RPS6KA5: variants seen among roughly 807,000 people sequenced by gnomAD.
RPS6KA5 encodes the protein ribosomal protein S6 kinase A5.
Under a neutral mutation model 85.5 loss-of-function variants are expected in RPS6KA5, and 27 were observed. The observed-to-expected ratio is 0.32, with a 90% CI of 0.23 to 0.44. RPS6KA5 has a LOEUF of 0.44. Ranked by LOEUF, RPS6KA5 falls within the 20% of genes least tolerant of loss-of-function variation. The pLI, the probability that RPS6KA5 is intolerant of heterozygous loss-of-function variation, is 1.00. For synonymous variants in RPS6KA5, 334 were observed against 348.2 expected (o/e 0.96, Z 0.46); for missense variants, 811 against 980.9 (o/e 0.83, Z 2.31).
At chr14:90,987,355 T>G (rs2040098978) in intron 2 of RPS6KA5, among the ~76,000 whole-genome samples, 1 of 148,892 alleles carries the variant, frequency 6.7e-6, no homozygotes, top group Admixed American at 6.7e-5. Context: ...TATTTTTCCC[T>G]CTATCATGTC....
intron 5 of RPS6KA5, among the ~76,000 whole-genome samples, chr14:90,928,957 A>G (rs1021118249): frequency 6.6e-6 from 1 of 152,094 alleles, no homozygotes; most frequent in African/African-American, 2.4e-5. Flanking sequence ...ATTAGCAAAT[A>G]AAATCCAGCA....
At chr14:91,052,982 A>C (rs1248609421) in intron 1 of RPS6KA5, among the ~76,000 whole-genome samples, 3 of 152,194 alleles carry the variant, frequency 2.0e-5, no homozygotes, top group African/African-American at 7.2e-5. Context: ...AATACAAGCA[A>C]ACTGAATCCA....
intron 2 of RPS6KA5, among the ~76,000 whole-genome samples, chr14:90,993,147 G>A (rs1169432644): frequency 6.6e-6 from 1 of 152,122 alleles, no homozygotes; most frequent in East Asian, 1.9e-4. Context: ...GCTTTTGTAT[G>A]TTTGAAAATG....
At chr14:91,045,710 T>C (rs1276782160) in intron 1 of RPS6KA5, among the ~76,000 whole-genome samples, 1 of 152,146 alleles carries the variant, frequency 6.6e-6, no homozygotes, top group East Asian at 1.9e-4. Context: ...CTATACCCAC[T>C]CTCCTCACAG....
intron 2 of RPS6KA5, 69 bp downstream of exon 2, chr14:91,001,019 A>G: frequency 1.2e-6 from 1 of 855,016 alleles, no homozygotes. Flanking sequence ...TATTGGGGAT[A>G]TCAATCCTTC....
At chr14:90,899,539 A>G (rs2035041296) in intron 11 of RPS6KA5, 117 bp from the exon 12 acceptor site, 2 of 672,850 alleles carry the variant, frequency 3.0e-6, no homozygotes, top group Non-Finnish European at 5.2e-6. Flanking sequence ...ATGTTACAGT[A>G]TACTGTAATG....
intron 3 of RPS6KA5, among the ~76,000 whole-genome samples, chr14:90,961,418 T>C (rs540808280): frequency 6.6e-6 from 1 of 152,270 alleles, no homozygotes; most frequent in Non-Finnish European, 1.5e-5. Flanking sequence ...CTTTCCAACT[T>C]GGCTTTCCCG....
intron 14 of RPS6KA5, among the ~76,000 whole-genome samples, chr14:90,886,922 A>C (rs2034266121): frequency 6.6e-6 from 1 of 152,248 alleles, no homozygotes; most frequent in Admixed American, 6.5e-5. Context: ...CAATGAGGAC[A>C]ATATAACTTG....
chr14:91,059,486 A>G (rs1299104359), intron 1 of RPS6KA5, among the ~76,000 whole-genome samples: 56 of 152,208 alleles, frequency 3.7e-4, no homozygotes. Flanking sequence ...ACAATACGAG[A>G]CTGGGCTCCA....
intron 1 of RPS6KA5, among the ~76,000 whole-genome samples, chr14:91,027,747 C>G (rs1325348394): frequency 1.3e-5 from 2 of 152,116 alleles, no homozygotes; most frequent in Non-Finnish European, 2.9e-5. Context: ...AGAGTACTGC[C>G]AGTTGATGAA....
intron 16 of RPS6KA5, 87 bp downstream of exon 16, chr14:90,873,541 CAAAG>C (rs976805194): frequency 3.8e-5 from 45 of 1,193,928 alleles, no homozygotes; most frequent in Non-Finnish European, 4.5e-5. Context: ...AAATGTGAAA[CAAAG>C]AAAACGTATC....
rs1265192768 is a variant in RPS6KA5, at chr14:90,848,359, G to A, written c.*23715C>T. ...TTAGCCCTCCTAAACAATTCCAGAA[G>A]AGGGAAGTTCATTATGAATTAATAC... On this transcript the variant is annotated 3_prime_UTR_variant, in exon 17 of 17. Transcript: ENST00000614987. 6.6e-6 allele frequency: 1 copy of A among 152,166 alleles called. No individual in the cohort carries two copies. Among genetic ancestry groups the A allele is most frequent in the Non-Finnish European group, 1.5e-5 (1 of 68,040 alleles). The allele number at this position is 152,166 out of a possible 1,614,324, so 9.4% of individuals were successfully genotyped here. A position where few individuals can be genotyped will look rare whatever the true frequency, so the allele number is the denominator to read the frequency against.
chr14:90,873,081 TTC>T (rs34549622), intron 16 of RPS6KA5, among the ~76,000 whole-genome samples: 33,483 of 152,122 alleles, frequency 0.22, 3,813 homozygotes, highest in Middle Eastern at 0.26. Context: ...GAAGGTGACT[TTC>T]TGTTTCCCTA....
At position 91,060,542 on chromosome 14, in the gene RPS6KA5, C is replaced by A. The variant is rs967390993; in HGVS notation, c.-108G>T. On this transcript the variant is annotated 5_prime_UTR_variant, in exon 1 of 17. Transcript: ENST00000614987. The stretch of plus-strand genomic sequence containing the variant: ...CGCGGCCCCAGGAGTCGGGGTGCGG[C>A]GGCTCCAGAACTCGGACGCAAAGAC... The A allele has an allele frequency of 2.6e-5, 31 of 1,215,008 alleles. No homozygotes were observed. Among genetic ancestry groups the A allele is most frequent in the Admixed American group, 8.7e-5 (2 of 23,028 alleles). 75.3% of individuals were successfully genotyped at this position (1,215,008 alleles called of 1,614,324 possible).
chr14:90,978,584 TAG>T (rs758417337), intron 2 of RPS6KA5, 60 bp from the exon 3 acceptor site: 1 of 1,278,850 alleles, frequency 7.8e-7, no homozygotes, highest in Non-Finnish European at 1.1e-6. Context: ...AATGGTAATT[TAG>T]TGCAACTAAA....
At position 91,040,392 on chromosome 14, in the gene RPS6KA5, G is replaced by A. The variant is rs1444937767; in HGVS notation, c.103+19940C>T. Among the ~76,000 whole-genome samples the A allele has an allele frequency of 1.3e-5, 2 of 152,118 alleles. 1 individual carries two copies. Among genetic ancestry groups the A allele is most frequent in the Non-Finnish European group, 2.9e-5 (2 of 68,014 alleles). Reference sequence around the variant, plus strand: ...CACTGCACTCCAGCCTGGGCAACAAGAGCGAAAGTCCGCCTCTTAAATTAA... The same window carrying A: ...CACTGCACTCCAGCCTGGGCAACAAAAGCGAAAGTCCGCCTCTTAAATTAA... On this transcript the variant is annotated intron_variant, in intron 1 of 16. Transcript: ENST00000614987.
rs377593819 is a variant in RPS6KA5 at position 91,047,812 on chromosome 14, T to C, written c.103+12520A>G. ...TATTCTAGGTGAAAATCTGTTCCCC[T>C]GCTTCTAGAGGCTGTCTGCATTCCT... On this transcript the variant is annotated intron_variant, in intron 1 of 16. Coordinates refer to ENST00000614987, the MANE Select transcript of RPS6KA5 (RefSeq NM_004755.4). Among the ~76,000 whole-genome samples the C allele has an allele frequency of 1.2e-4, 18 of 152,360 alleles. No homozygotes were observed. In the South Asian group the frequency reaches 3.7e-3, roughly 32 times the overall value.
intron 5 of RPS6KA5, among the ~76,000 whole-genome samples, chr14:90,926,157 C>A (rs1010810570): frequency 3.3e-5 from 5 of 151,950 alleles, no homozygotes; most frequent in Non-Finnish European, 7.4e-5. Context: ...GTAATCCCAG[C>A]ACTCTGGGAG....
At chr14:91,010,199 T>A (rs566116299) in intron 1 of RPS6KA5, among the ~76,000 whole-genome samples, 1 of 152,176 alleles carries the variant, frequency 6.6e-6, no homozygotes, top group African/African-American at 2.4e-5. Flanking sequence ...GGAGGAGATA[T>A]TATTTTTAAA....
Sources: allele counts gnomAD v4.1 joint callset (sites outside exome capture counted in the v4.1 genomes callset), GRCh38; gene constraint gnomAD v4.1.1; transcripts MANE v1.5; gene names NCBI Gene and HGNC (gene_info 2026-07-23, HGNC 2026-07-21).